The following SEMA3A variants were observed in gnomAD, a reference collection of about 807,000 sequenced individuals.
SEMA3A encodes semaphorin 3A, also known as semaphorin-3A.
In SEMA3A, 29 loss-of-function variants were observed where a neutral mutation model predicts 97.9. That is an observed-to-expected ratio of 0.30 (90% CI 0.22 to 0.40). The LOEUF (loss-of-function observed/expected upper bound fraction) is 0.40, where lower values mean the gene tolerates loss of function less well. SEMA3A is among the 10% of genes least tolerant of loss of function. The probability of loss-of-function intolerance (pLI) is 1.00; values close to 1 mark genes in which losing one functional copy is unlikely to be tolerated. For synonymous variants in SEMA3A, 321 were observed against 323.7 expected (o/e 0.99, Z 0.09); for missense variants, 763 against 951.3 (o/e 0.80, Z 2.60).
At chr7:84,448,574 A>G (rs778250930) in intron 1 of SEMA3A, among the ~76,000 whole-genome samples, 1 of 152,126 alleles carries the variant, frequency 6.6e-6, no homozygotes, top group Non-Finnish European at 1.5e-5. Flanking sequence ...CAAAAACAAA[A>G]ACAAAATTAA....
chr7:84,336,225 A>T (rs1008758430), intron 2 of SEMA3A, among the ~76,000 whole-genome samples: 1 of 152,174 alleles, frequency 6.6e-6, no homozygotes, highest in Admixed American at 6.6e-5. Flanking sequence ...AAAACAGAGG[A>T]GGTAATTAAG....
intron 3 of SEMA3A, among the ~76,000 whole-genome samples, chr7:84,244,863 T>G (rs1799445090): frequency 6.6e-6 from 1 of 152,192 alleles, no homozygotes; most frequent in Admixed American, 6.5e-5. Flanking sequence ...TTTGGTTGGA[T>G]ATGAAATTCT....
At chr7:84,178,396 C>T (rs1797639992) in intron 1 of SEMA3A, among the ~76,000 whole-genome samples, 1 of 152,088 alleles carries the variant, frequency 6.6e-6, no homozygotes, top group African/African-American at 2.4e-5. Context: ...GTGTCTCATC[C>T]ATACACATTT....
chr7:84,477,327 T>C (rs904690924), intron 1 of SEMA3A, among the ~76,000 whole-genome samples: 15 of 148,148 alleles, frequency 1.0e-4, no homozygotes, highest in African/African-American at 2.0e-4. Context: ...TAGTCCCAGC[T>C]ACTCGGGAGG....
At position 83,995,322 on chromosome 7, in the gene SEMA3A, G is replaced by A. The variant is rs1228539736; in HGVS notation, c.1452+6633C>T. ...CTGTAGACCGAAGCTGTTCCTATTT[G>A]GCCATCTTGGCTCCTCCCCCCAATA... On this transcript the variant is annotated intron_variant, in intron 12 of 16. Transcript: ENST00000265362. Among the ~76,000 whole-genome samples the A allele has an allele frequency of 3.9e-5, 6 of 152,062 alleles. No individual in the cohort carries two copies. The South Asian group carries it at 6.2e-4, about 16-fold the overall frequency.
intron 15 of SEMA3A, among the ~76,000 whole-genome samples, chr7:83,970,961 A>G (rs970259733): frequency 2.6e-5 from 4 of 152,248 alleles, no homozygotes; most frequent in African/African-American, 9.6e-5. Flanking sequence ...CAGAAATACA[A>G]TAGATGCTCT....
chr7:84,477,389 A>C (rs1470754383), intron 1 of SEMA3A, among the ~76,000 whole-genome samples: 1 of 141,032 alleles, frequency 7.1e-6, no homozygotes, highest in Non-Finnish European at 1.5e-5. Context: ...CAGTGAGCCG[A>C]GATCACAATG....
chr7:84,135,629 T>G (rs1294425983), intron 1 of SEMA3A, among the ~76,000 whole-genome samples: 5 of 152,152 alleles, frequency 3.3e-5, no homozygotes. Context: ...TTCCAAGCCA[T>G]TAGATAGAAG....
intron 4 of SEMA3A, among the ~76,000 whole-genome samples, chr7:84,099,175 A>C (rs1794873030): frequency 1.4e-5 from 1 of 72,228 alleles, no homozygotes; most frequent in African/African-American, 3.5e-5. Context: ...GGTTCACGCC[A>C]TTCTCCTGCC....
chr7:84,408,865 A>G (rs1266219444), intron 1 of SEMA3A, among the ~76,000 whole-genome samples: 1 of 151,672 alleles, frequency 6.6e-6, no homozygotes, highest in Admixed American at 6.6e-5. Flanking sequence ...GGACAGAGGA[A>G]GGGGAACATC....
chr7:84,189,405 T>C (rs1460702674), intron 1 of SEMA3A, among the ~76,000 whole-genome samples: 1 of 151,856 alleles, frequency 6.6e-6, no homozygotes, highest in Non-Finnish European at 1.5e-5. Flanking sequence ...TGGAAGATTT[T>C]GTAAAAATCA....
In SEMA3A at chr7:84,004,761, A is replaced by C. The variant is rs149887226; in HGVS notation, c.1360+578T>G. ...TCTCAACTTGTCAGAAAAGATAATA[A>C]ATTTGTAATGGAAGAATATTCATGT... On this transcript the variant is annotated intron_variant, in intron 11 of 16. Transcript: ENST00000265362. Among the ~76,000 whole-genome samples, 225 of 152,322 alleles carry C rather than the reference A, an allele frequency of 1.5e-3. 2 individuals are homozygous for C. The East Asian group carries it at 0.016, about 11-fold the overall frequency.
chr7:84,137,689 T>TAAAAA (rs58880773), intron 1 of SEMA3A, among the ~76,000 whole-genome samples: 1 of 85,276 alleles, frequency 1.2e-5, no homozygotes, highest in African/African-American at 4.5e-5. Context: ...GGCCAAACTT[T>TAAAAA]AAAAAAAAAA....
intron 1 of SEMA3A, among the ~76,000 whole-genome samples, chr7:84,377,188 T>C (rs1803125161): frequency 6.6e-6 from 1 of 152,184 alleles, no homozygotes; most frequent in Non-Finnish European, 1.5e-5. Flanking sequence ...TTAAAGCTGA[T>C]CTTGGCATAA....
intron 6 of SEMA3A, among the ~76,000 whole-genome samples, chr7:84,041,288 T>A (rs1008558199): frequency 1.2e-4 from 19 of 152,128 alleles, no homozygotes; most frequent in African/African-American, 4.6e-4. Context: ...TATATTTTGG[T>A]AACTTTTAGT....
intron 12 of SEMA3A, among the ~76,000 whole-genome samples, chr7:83,988,860 C>CTTTTT (rs11309468): frequency 7.5e-6 from 1 of 132,742 alleles, no homozygotes; most frequent in Non-Finnish European, 1.6e-5. Context: ...GGATATTCAG[C>CTTTTT]TTTTTTTTTT....
At chr7:84,071,685 C>T (rs898286898) in intron 4 of SEMA3A, among the ~76,000 whole-genome samples, 2 of 152,048 alleles carry the variant, frequency 1.3e-5, no homozygotes, top group Non-Finnish European at 2.9e-5. Flanking sequence ...GCAATCTATC[C>T]ATACCTTTCT....
At chr7:83,977,274 A>G in intron 14 of SEMA3A, 78 bp from the exon 15 acceptor site, 1 of 679,294 alleles carries the variant, frequency 1.5e-6, no homozygotes. Context: ...AATGAAGAGA[A>G]ATAAAATATA....
chr7:84,391,481 G>C (rs1012930334), intron 1 of SEMA3A, among the ~76,000 whole-genome samples: 1 of 152,000 alleles, frequency 6.6e-6, no homozygotes, highest in Non-Finnish European at 1.5e-5. Flanking sequence ...AAGGAAAATA[G>C]ATAGAAAAAT....
Sources: gnomAD v4.1 joint callset for allele counts (sites outside exome capture counted in the v4.1 genomes callset) on GRCh38, gnomAD v4.1.1 for gene constraint, MANE v1.5 for transcripts, NCBI Gene and HGNC (gene_info 2026-07-23, HGNC 2026-07-21) for gene names.